The following NAT2 variants were observed in gnomAD, a reference collection of about 807,000 sequenced individuals.
NAT2 encodes N-acetyltransferase 2, also known as arylamine N-acetyltransferase 2.
For missense variants in NAT2, 428 were observed against 339.1 expected (o/e 1.26, Z -2.06); for synonymous variants, 137 against 125.9 (o/e 1.09, Z -0.59).
At chr8:18,395,245 T>A (rs1390358) in intron 1 of NAT2, among the ~76,000 whole-genome samples, 1 of 151,890 alleles carries the variant, frequency 6.6e-6, no homozygotes, top group Non-Finnish European at 1.5e-5. Flanking sequence ...TAGAGTCCTA[T>A]AGCTAATTGC....
At chr8:18,395,242 CTA>C (rs1276755006) in intron 1 of NAT2, among the ~76,000 whole-genome samples, 1 of 152,046 alleles carries the variant, frequency 6.6e-6, no homozygotes, top group African/African-American at 2.4e-5. Context: ...CCTTAGAGTC[CTA>C]TAGCTAATTG....
rs1165911161 is a variant in NAT2 at position 18,400,145 on chromosome 8, A to G, written c.142A>G (p.Met48Val). The change falls in exon 2 of 2, where the codon ATG becomes GTG. Residue 48 changes from methionine (M) to valine (V), a missense_variant. Physicochemically the swap from Met to Val is conservative, Grantham distance 21. Transcript: ENST00000286479. Reference sequence around the variant, plus strand: ...CCTTAACATGCATTGTGGGCAAGCCATGGAGTTGGGCTTAGAGGCTATTTT... The same window carrying G: ...CCTTAACATGCATTGTGGGCAAGCCGTGGAGTTGGGCTTAGAGGCTATTTT... ...ENLNMHCGQA[M>V]ELGLEAIFDH... 3 of 1,613,890 alleles carry G rather than the reference A, an allele frequency of 1.9e-6. No homozygotes were observed. Among genetic ancestry groups the G allele is most frequent in the African/African-American group, 1.3e-5 (1 of 74,892 alleles).
chr8:18,400,196 G>A lies in NAT2; in HGVS notation c.193G>A (p.Gly65Ser). 1 of 1,613,240 alleles carries A rather than the reference G, an allele frequency of 6.2e-7. No individual in the cohort carries two copies. The highest frequency in any genetic ancestry group is 1.1e-5 in the South Asian group (1 of 91,016). Reference protein sequence around the residue: ...IFDHIVRRNRGGWCLQVNQLL... With the variant: ...IFDHIVRRNRSGWCLQVNQLL... ...TGATCACATTGTAAGAAGAAACCGG[G>A]GTGGGTGGTGTCTCCAGGTCAATCA... Residue 65 changes from glycine to serine, a missense_variant, in exon 2 of 2, where the codon GGT becomes AGT. Physicochemically the swap from Gly to Ser is moderately conservative, Grantham distance 56. Coordinates refer to ENST00000286479, the MANE Select transcript of NAT2 (RefSeq NM_000015.3).
chr8:18,389,270 T>C (rs1485195904), upstream of NAT2, among the ~76,000 whole-genome samples: 4 of 152,204 alleles, frequency 2.6e-5, no homozygotes, highest in Non-Finnish European at 5.9e-5. Flanking sequence ...TCAAAAATGG[T>C]CCAGATCACA....
intron 1 of NAT2, among the ~76,000 whole-genome samples, chr8:18,392,967 C>G (rs1800614849): frequency 6.6e-6 from 1 of 152,058 alleles, no homozygotes; most frequent in South Asian, 2.1e-4. Flanking sequence ...CTCTCAATCG[C>G]TCTGGATCCT....
At chr8:18,387,702 CT>C, upstream of NAT2, 3 of 156,306 alleles carry the variant, frequency 1.9e-5, no homozygotes, top group Non-Finnish European at 4.2e-5. Context: ...CTCTCGTCGC[CT>C]TTTCTCCAAA....
chr8:18,398,516 G>T (rs902366087), intron 1 of NAT2, among the ~76,000 whole-genome samples: 2 of 152,152 alleles, frequency 1.3e-5, no homozygotes, highest in Admixed American at 1.3e-4. Context: ...AGAGATAGGA[G>T]GCCAGGAGAA....
At chr8:18,392,656 G>C (rs1800609846) in intron 1 of NAT2, among the ~76,000 whole-genome samples, 1 of 152,120 alleles carries the variant, frequency 6.6e-6, no homozygotes, top group African/African-American at 2.4e-5. Context: ...ACAATACTTT[G>C]AATCCTTCAA....
upstream of NAT2, among the ~76,000 whole-genome samples, chr8:18,389,013 G>C (rs963501023): frequency 2.6e-5 from 4 of 152,114 alleles, no homozygotes; most frequent in African/African-American, 9.7e-5. Context: ...TCTTCCCTTG[G>C]ACACCAGGAT....
At chr8:18,392,618 G>C (rs1800609473) in intron 1 of NAT2, among the ~76,000 whole-genome samples, 1 of 152,114 alleles carries the variant, frequency 6.6e-6, no homozygotes, top group South Asian at 2.1e-4. Flanking sequence ...AATTTCCTTT[G>C]GCAACACCCT....
In NAT2 at chr8:18,400,368, A is replaced by G. The variant is rs559660817; in HGVS notation, c.365A>G (p.Asp122Gly). The change falls in exon 2 of 2, where the codon GAT (aspartate) becomes GGT (glycine). Residue 122 changes from aspartate to glycine, a missense_variant. By Grantham distance (94) the Asp-to-Gly change is moderately conservative (BLOSUM62 -1). Coordinates refer to ENST00000286479, the MANE Select transcript of NAT2 (RefSeq NM_000015.3). ...VTIDGRNYIV[D>G]AGSGSSSQMW... ...ATTGACGGCAGGAATTACATTGTCG[A>G]TGCTGGGTCTGGAAGCTCCTCCCAG... The G allele has an allele frequency of 1.1e-4, 171 of 1,612,646 alleles. 1 individual carries two copies. Among genetic ancestry groups the G allele is most frequent in the Non-Finnish European group, 1.4e-4 (165 of 1,179,460 alleles).
At chr8:18,390,752 A>G (rs1800579916), upstream of NAT2, among the ~76,000 whole-genome samples, 1 of 152,146 alleles carries the variant, frequency 6.6e-6, no homozygotes, top group Non-Finnish European at 1.5e-5. Flanking sequence ...GCCATATGAT[A>G]CATGTGACAC....
At chr8:18,388,120 G>A (rs73666638), upstream of NAT2, among the ~76,000 whole-genome samples, 798 of 152,308 alleles carry the variant, frequency 5.2e-3, 6 homozygotes, top group African/African-American at 0.018. Flanking sequence ...GGGCATCCTG[G>A]AGGTAAAACA....
intron 1 of NAT2, among the ~76,000 whole-genome samples, chr8:18,398,978 C>A (rs1378227186): frequency 1.3e-5 from 2 of 152,188 alleles, no homozygotes; most frequent in Admixed American, 6.5e-5. Context: ...CCGCTTATAA[C>A]CCTTCTCTCA....
In NAT2 at chr8:18,393,308, A is replaced by G. The variant is rs556367601; in HGVS notation, c.-7+1963A>G. ...ATAAATGAGCAAATTTAAATATATC[A>G]TTCCATATTTTCTTTAGGCAGTCCC... On this transcript the variant is annotated intron_variant, in intron 1 of 1. Coordinates refer to ENST00000286479, the MANE Select transcript of NAT2 (RefSeq NM_000015.3). 3.9e-5 allele frequency among the ~76,000 whole-genome samples: 6 copies of G among 152,182 alleles called. No homozygotes were observed. The South Asian group carries it at 1.0e-3, about 26-fold the overall frequency.
chr8:18,392,147 G>T (rs1299645442), intron 1 of NAT2, among the ~76,000 whole-genome samples: 2 of 152,212 alleles, frequency 1.3e-5, no homozygotes, highest in Non-Finnish European at 2.9e-5. Flanking sequence ...ATTAATAGGG[G>T]AAAGGGAGTA....
chr8:18,396,390 AT>A (rs1201452076), intron 1 of NAT2, among the ~76,000 whole-genome samples: 4 of 152,106 alleles, frequency 2.6e-5, no homozygotes, highest in Non-Finnish European at 4.4e-5. Flanking sequence ...TTTTGTCCAC[AT>A]TTTTAACTTA....
upstream of NAT2, among the ~76,000 whole-genome samples, chr8:18,388,713 C>T (rs995878117): frequency 6.6e-6 from 1 of 152,148 alleles, no homozygotes; most frequent in African/African-American, 2.4e-5. Flanking sequence ...AACTCTAATG[C>T]TTTTCTTTAA....
At chr8:18,386,624 A>G (rs1800510019), upstream of NAT2, among the ~76,000 whole-genome samples, 1 of 152,110 alleles carries the variant, frequency 6.6e-6, no homozygotes, top group African/African-American at 2.4e-5. Flanking sequence ...ACTAAGGCGG[A>G]TAATTGGCAA....
Sources: gnomAD v4.1 joint callset for allele counts (sites outside exome capture counted in the v4.1 genomes callset) on GRCh38, gnomAD v4.1.1 for gene constraint, MANE v1.5 for transcripts, NCBI Gene and HGNC (gene_info 2026-07-23, HGNC 2026-07-21) for gene names.